TENM4: variants seen among roughly 807,000 people sequenced by gnomAD.
The protein encoded by TENM4 is teneurin-4.
In TENM4, 82 loss-of-function variants were observed where a neutral mutation model predicts 243.3. That is an observed-to-expected ratio of 0.34 (90% CI 0.28 to 0.40). The LOEUF (loss-of-function observed/expected upper bound fraction) is 0.40. TENM4 is among the 10% of genes least tolerant of loss of function. The pLI is 1.00. For synonymous variants in TENM4, 1,412 were observed against 1,456.3 expected (o/e 0.97, Z 0.69); for missense variants, 3,138 against 3,673.3 (o/e 0.85, Z 3.77).
At chr11:79,406,586 G>C (rs957663496) in intron 1 of TENM4, among the ~76,000 whole-genome samples, 6 of 152,120 alleles carry the variant, frequency 3.9e-5, no homozygotes, top group African/African-American at 1.2e-4. Flanking sequence ...ACCGTGCTTA[G>C]GTAACACACG....
intron 4 of TENM4, among the ~76,000 whole-genome samples, chr11:79,073,619 T>G (rs913569077): frequency 6.6e-6 from 1 of 152,196 alleles, no homozygotes; most frequent in Non-Finnish European, 1.5e-5. Context: ...CATGTATTCT[T>G]TTTTTAAATT....
At chr11:78,843,833 C>T (rs1858319614) in intron 12 of TENM4, among the ~76,000 whole-genome samples, 1 of 152,208 alleles carries the variant, frequency 6.6e-6, no homozygotes, top group Admixed American at 6.5e-5. Context: ...CTTCCTTAGC[C>T]AGGTACCTGG....
intron 12 of TENM4, among the ~76,000 whole-genome samples, chr11:78,821,589 G>A (rs57971693): frequency 0.013 from 1,984 of 152,292 alleles, 55 homozygotes; most frequent in African/African-American, 0.046. Context: ...TGGGAGCCAC[G>A]TTTAAGACAC....
At chr11:79,051,890 G>A (rs1490741834) in intron 6 of TENM4, among the ~76,000 whole-genome samples, 1 of 152,160 alleles carries the variant, frequency 6.6e-6, no homozygotes, top group Admixed American at 6.5e-5. Context: ...TTCCATTTCT[G>A]CGTTAGTTTG....
intron 6 of TENM4, among the ~76,000 whole-genome samples, chr11:78,995,148 G>A (rs766186429): frequency 7.2e-5 from 11 of 152,134 alleles, no homozygotes; most frequent in East Asian, 1.9e-4. Flanking sequence ...AACCAGGAGT[G>A]GAAGGAATAG....
At position 78,708,398 on chromosome 11, in the gene TENM4, C is replaced by T. The variant is rs369898476; in HGVS notation, c.4172G>A (p.Arg1391Gln). 35 of 1,613,890 alleles carry T rather than the reference C, an allele frequency of 2.2e-5. 1 individual carries two copies. Among genetic ancestry groups the T allele is most frequent in the African/African-American group, 1.1e-4 (8 of 74,928 alleles). Residue 1391 changes from arginine (R) to glutamine (Q), a missense_variant, in exon 27 of 34, where the codon CGG (arginine) becomes CAG (glutamine). Physicochemically the swap from Arg to Gln is conservative, Grantham distance 43 (BLOSUM62 1). Transcript: ENST00000278550. ...LLGSNDLTSARPLSCDSVMDI... is the reference protein window; with the variant it reads ...LLGSNDLTSAQPLSCDSVMDI... The stretch of plus-strand genomic sequence containing the variant: ...CATGACAGAATCACAGCTGAGTGGC[C>T]GGGCTGATGTGAGATCATTAGAGCC...
intron 18 of TENM4, among the ~76,000 whole-genome samples, chr11:78,764,342 G>T (rs1856496735): frequency 6.6e-6 from 1 of 152,216 alleles, no homozygotes; most frequent in Admixed American, 6.5e-5. Flanking sequence ...TGTACATCGA[G>T]CTGTTAGGCA....
rs1858472392 is a variant in TENM4 at position 78,676,257 on chromosome 11, C to G, written c.5391G>C (p.Lys1797Asn). The G allele has an allele frequency of 2.2e-5, 35 of 1,612,186 alleles. No individual in the cohort carries two copies. The highest frequency in any genetic ancestry group is 2.5e-5 in the Non-Finnish European group (30 of 1,178,626). The change falls in exon 30 of 34, where the codon AAG (lysine) becomes AAC (asparagine). Residue 1797 changes from lysine to asparagine, a missense_variant. Physicochemically the swap from Lys to Asn is moderately conservative, Grantham distance 94. This residue lies in a region of TENM4 where 2,467 missense variants were observed against 3,059.1 expected (regional missense o/e 0.81). Transcript: ENST00000278550. ...TGTCGATGGGCAGCGTGACATTCCTCTTGCCCACGGTGGGGTTGACGGTGC... is the reference window on the plus strand; with the variant it reads ...TGTCGATGGGCAGCGTGACATTCCTGTTGCCCACGGTGGGGTTGACGGTGC... ...LAGTVNPTVG[K>N]RNVTLPIDNG... is the part of the protein sequence containing the mutation.
intron 14 of TENM4, among the ~76,000 whole-genome samples, chr11:78,811,031 A>G (rs1168406890): frequency 2.0e-5 from 3 of 152,208 alleles, no homozygotes; most frequent in East Asian, 1.9e-4. Flanking sequence ...TACTAATAAC[A>G]TAAGAGCTCA....
Position 79,317,125 on chromosome 11 carries a change from A to G in TENM4, c.-320-19582T>C, listed in dbSNP as rs1314499754. Among the ~76,000 whole-genome samples the G allele has an allele frequency of 3.3e-5, 5 of 152,390 alleles. No homozygotes were observed. In the East Asian group the frequency reaches 9.6e-4, roughly 29 times the overall value. On this transcript the variant is annotated intron_variant, in intron 1 of 33. Transcript: ENST00000278550. ...ATTTTCTTCCAGGCTAGCAGTTTAT[A>G]AAATACTGAGCTCAATATTCCCACT... is the stretch of plus-strand genomic sequence containing the variant.
intron 1 of TENM4, among the ~76,000 whole-genome samples, chr11:79,409,670 A>C (rs1858657434): frequency 6.6e-6 from 1 of 152,098 alleles, no homozygotes; most frequent in Non-Finnish European, 1.5e-5. Context: ...GACACTACGG[A>C]TGCCCTCAAC....
chr11:78,816,541 T>C (rs1256516790), intron 12 of TENM4, among the ~76,000 whole-genome samples: 1 of 152,222 alleles, frequency 6.6e-6, no homozygotes, highest in African/African-American at 2.4e-5. Context: ...TAGAGAATTC[T>C]ATAACTTTCA....
chr11:79,028,342 ACT>A (rs1228760425), intron 6 of TENM4, among the ~76,000 whole-genome samples: 1 of 152,188 alleles, frequency 6.6e-6, no homozygotes, highest in Non-Finnish European at 1.5e-5. Flanking sequence ...TGGGAAATAA[ACT>A]CTGAAATGGA....
At chr11:79,064,660 G>A in intron 6 of TENM4, 78 bp downstream of exon 6, 6 of 1,518,434 alleles carry the variant, frequency 4.0e-6, no homozygotes, top group Non-Finnish European at 5.3e-6. Context: ...CCCGGCAGTG[G>A]AGCAGGAAAT....
chr11:79,173,284 C>T (rs1451211817), intron 3 of TENM4, among the ~76,000 whole-genome samples: 1 of 152,024 alleles, frequency 6.6e-6, no homozygotes, highest in East Asian at 1.9e-4. Context: ...GGAAGGGAGC[C>T]CCATTAGTGT....
At chr11:78,814,145 T>A in intron 13 of TENM4, 149 bp downstream of exon 13, 1 of 687,752 alleles carries the variant, frequency 1.5e-6, no homozygotes, top group African/African-American at 1.9e-5. Context: ...CACACCTCCC[T>A]CCAAGGGCTT....
At chr11:78,823,401 T>C (rs1325363519) in intron 12 of TENM4, among the ~76,000 whole-genome samples, 1 of 152,122 alleles carries the variant, frequency 6.6e-6, no homozygotes, top group African/African-American at 2.4e-5. Flanking sequence ...CACAGCCCAC[T>C]GGGCAGAGGT....
At chr11:79,032,769 A>C (rs1426127281) in intron 6 of TENM4, among the ~76,000 whole-genome samples, 2 of 152,238 alleles carry the variant, frequency 1.3e-5, no homozygotes, top group African/African-American at 4.8e-5. Flanking sequence ...AAAGAGTTAG[A>C]ATACTTCTCC....
chr11:78,683,801 C>G (rs190079436), intron 29 of TENM4, among the ~76,000 whole-genome samples: 1 of 151,856 alleles, frequency 6.6e-6, no homozygotes, highest in South Asian at 2.1e-4. Flanking sequence ...TTGGCTCCTC[C>G]CTAGATTCTT....
Sources: gnomAD v4.1 joint callset for allele counts (sites outside exome capture counted in the v4.1 genomes callset) on GRCh38, gnomAD v4.1.1 for gene constraint, gnomAD v4.1.1 regional missense constraint, MANE v1.5 for transcripts, NCBI Gene and HGNC (gene_info 2026-07-23, HGNC 2026-07-21) for gene names.